The following NUP210L variants were observed in gnomAD, a reference collection of about 807,000 sequenced individuals.
NUP210L encodes nuclear pore membrane glycoprotein 210-like.
Under a neutral mutation model 208.5 loss-of-function variants are expected in NUP210L, and 74 were observed. That is an observed-to-expected ratio of 0.35 (90% CI 0.29 to 0.43). The LOEUF (loss-of-function observed/expected upper bound fraction) is 0.43. NUP210L is among the 20% of genes least tolerant of loss of function. NUP210L has a pLI of 1.00. For missense variants in NUP210L, 1,843 were observed against 2,289.4 expected, an observed-to-expected ratio of 0.81 and a Z score of 3.98; for synonymous variants, 780 against 816.9, an observed-to-expected ratio of 0.95 and a Z score of 0.77.
intron 29 of NUP210L, 136 bp from the exon 30 acceptor site, chr1:154,025,852 T>G (rs1200755613): frequency 1.5e-6 from 1 of 646,556 alleles, no homozygotes; most frequent in Admixed American, 2.6e-5. Context: ...GTGTAATTAT[T>G]TGTTCCTCAG....
Position 154,145,723 on chromosome 1 carries a change from T to G in NUP210L, c.341-2146A>C, listed in dbSNP as rs1659082044. On this transcript the variant is annotated intron_variant, in intron 2 of 39. Transcript: ENST00000368559. Reference sequence around the variant, plus strand: ...TAGAATAAACCCTAAGGTGCAAGATTAGAATTGAAGATATCAGTATGAGCT... The same window carrying G: ...TAGAATAAACCCTAAGGTGCAAGATGAGAATTGAAGATATCAGTATGAGCT... 2.0e-5 allele frequency among the ~76,000 whole-genome samples: 3 copies of G among 152,234 alleles called. No homozygotes were observed. In the South Asian group the frequency reaches 6.2e-4, roughly 32 times the overall value.
intron 2 of NUP210L, among the ~76,000 whole-genome samples, chr1:154,151,477 A>C (rs1184313114): frequency 6.6e-6 from 1 of 151,850 alleles, no homozygotes; most frequent in African/African-American, 2.4e-5. Context: ...TTGGAAAAAA[A>C]TCTGGTGAAA....
chr1:154,127,478 T>TA, intron 8 of NUP210L, 61 bp from the exon 9 acceptor site: 2 of 773,374 alleles, frequency 2.6e-6, no homozygotes, highest in Non-Finnish European at 4.3e-6. Context: ...ACAACGAATT[T>TA]AAAAATACAA....
intron 35 of NUP210L, among the ~76,000 whole-genome samples, chr1:154,005,728 CTTT>C (rs34116245): frequency 7.9e-6 from 1 of 125,950 alleles, no homozygotes. Flanking sequence ...ATTTTTTTTT[CTTT>C]TTTTTTTTTG....
At chr1:154,144,138 G>A (rs917163750) in intron 2 of NUP210L, among the ~76,000 whole-genome samples, 5 of 151,936 alleles carry the variant, frequency 3.3e-5, no homozygotes, top group Non-Finnish European at 7.4e-5. Flanking sequence ...TCGAGATCAC[G>A]CCACTGCACT....
At chr1:154,132,876 T>C (rs1398556778) in intron 7 of NUP210L, among the ~76,000 whole-genome samples, 2 of 152,204 alleles carry the variant, frequency 1.3e-5, no homozygotes, top group Non-Finnish European at 2.9e-5. Context: ...TAACTAACAA[T>C]ATTATACAAG....
In NUP210L at chr1:154,048,901, C is replaced by T. The variant is rs556441769; in HGVS notation, c.3484-2532G>A. Among the ~76,000 whole-genome samples, 50 of 152,128 alleles carry T rather than the reference C, an allele frequency of 3.3e-4. No homozygotes were observed. The South Asian group carries it at 8.5e-3, about 26-fold the overall frequency. On this transcript the variant is annotated intron_variant, in intron 25 of 39. Transcript: ENST00000368559. ...TCCCTGGAAAGCAGAGCCAGGAGAGCGTATAGCACGGCTCCTGATTGTGCT... is the reference window on the plus strand; with the variant it reads ...TCCCTGGAAAGCAGAGCCAGGAGAGTGTATAGCACGGCTCCTGATTGTGCT...
At chr1:154,075,154 T>C (rs759458969) in intron 16 of NUP210L, among the ~76,000 whole-genome samples, 1 of 152,202 alleles carries the variant, frequency 6.6e-6, no homozygotes, top group African/African-American at 2.4e-5. Context: ...AAATGGGGAC[T>C]AGTATTTAGA....
chr1:154,035,392 A>AT (rs1170542159), intron 27 of NUP210L, among the ~76,000 whole-genome samples: 4 of 141,112 alleles, frequency 2.8e-5, no homozygotes, highest in African/African-American at 5.2e-5. Flanking sequence ...TTTTATTTTA[A>AT]TTTTTTCTAC....
intron 25 of NUP210L, among the ~76,000 whole-genome samples, chr1:154,051,537 G>C (rs1653503727): frequency 6.6e-6 from 1 of 152,176 alleles, no homozygotes; most frequent in African/African-American, 2.4e-5. Context: ...TTTAACCCAT[G>C]TTAATGTCTC....
Position 154,042,703 on chromosome 1 carries a change from C to T in NUP210L, c.3696+3366G>A, listed in dbSNP as rs545307887. Among the ~76,000 whole-genome samples the T allele has an allele frequency of 4.6e-5, 7 of 150,822 alleles. No individual in the cohort carries two copies. The East Asian group carries it at 1.4e-3, about 30-fold the overall frequency. On this transcript the variant is annotated intron_variant, in intron 27 of 39. Coordinates refer to ENST00000368559, the Ensembl canonical transcript of NUP210L. ...TCGGCCTCCCAAAGTGCTGGGATTA[C>T]AGGCGTGAGCCACCGCGCCTGGCCT...
intron 31 of NUP210L, among the ~76,000 whole-genome samples, chr1:154,022,803 T>C (rs1458203877): frequency 6.7e-6 from 1 of 149,284 alleles, no homozygotes; most frequent in African/African-American, 2.5e-5. Context: ...TCAGCCTCCC[T>C]AGTAGCTGGG....
intron 7 of NUP210L, among the ~76,000 whole-genome samples, chr1:154,131,452 G>A (rs1010085774): frequency 7.9e-5 from 12 of 151,778 alleles, no homozygotes; most frequent in African/African-American, 2.7e-4. Context: ...CTCATTTTCT[G>A]TTGCCTCTCA....
chr1:154,074,667 C>T (rs1377830528), intron 16 of NUP210L, among the ~76,000 whole-genome samples: 2 of 151,814 alleles, frequency 1.3e-5, no homozygotes, highest in African/African-American at 4.8e-5. Context: ...TTTTTGTGTA[C>T]TTTTAGTAGA....
At chr1:154,083,817 T>C (rs1023830246) in intron 16 of NUP210L, among the ~76,000 whole-genome samples, 2 of 151,924 alleles carry the variant, frequency 1.3e-5, no homozygotes, top group African/African-American at 4.8e-5. Flanking sequence ...TTTGATAGAA[T>C]GGCACTGTGG....
At chr1:154,129,398 G>T in intron 7 of NUP210L, 53 bp from the exon 8 acceptor site, 1 of 1,034,376 alleles carries the variant, frequency 9.7e-7, no homozygotes, top group Non-Finnish European at 1.5e-6. Flanking sequence ...GAAAAGGTGA[G>T]GTACCAAAGG....
chr1:154,041,616 C>A (rs1251841696), intron 27 of NUP210L, among the ~76,000 whole-genome samples: 1 of 148,170 alleles, frequency 6.7e-6, no homozygotes, highest in Non-Finnish European at 1.5e-5. Flanking sequence ...GCCCAGCCCA[C>A]ACAGAAATAC....
In NUP210L at chr1:154,077,378, AAAAAT is replaced by A. The variant is rs368774313; in HGVS notation, c.2362-6918_2362-6914del. Among the ~76,000 whole-genome samples, 889 of 152,032 alleles carry A rather than the reference AAAAAT, an allele frequency of 5.8e-3. 3 individuals carry two copies. The highest frequency in any genetic ancestry group is 0.026 in the East Asian group (137 of 5,180). On this transcript the variant is annotated intron_variant, in intron 16 of 39. Coordinates refer to ENST00000368559, the Ensembl canonical transcript of NUP210L. ...GATACTCTGTCTCAAAAAAATAAAT[AAAAAT>A]AAAATAAAATAAAATAAAATAAAAA...
intron 10 of NUP210L, among the ~76,000 whole-genome samples, chr1:154,125,667 A>C (rs1399570078): frequency 3.4e-4 from 1 of 2,952 alleles, no homozygotes; most frequent in Non-Finnish European, 1.8e-3. Context: ...GGAAGGAAGG[A>C]AGGAAGGAAG....
Sources: gnomAD v4.1 joint callset for allele counts (sites outside exome capture counted in the v4.1 genomes callset) on GRCh38, gnomAD v4.1.1 for gene constraint, MANE v1.5 for transcripts, NCBI Gene and HGNC (gene_info 2026-07-23, HGNC 2026-07-21) for gene names.